RFX7: variants seen among roughly 807,000 people sequenced by gnomAD.
RFX7 encodes the protein regulatory factor X7.
A neutral mutation model predicts 111.8 loss-of-function variants in RFX7; 26 were observed. That is an observed-to-expected ratio of 0.23 (90% CI 0.17 to 0.32). The LOEUF is 0.32. Among genes scored for constraint, RFX7 ranks in the 10% least tolerant of loss-of-function variants. RFX7 has a pLI of 1.00. For missense variants in RFX7, 1,573 were observed against 1,772.9 expected (o/e 0.89, Z 2.02); for synonymous variants, 624 against 624.4 (o/e 1.00, Z 0.01).
chr15:56,149,727 A>ACCC (rs1395213789), intron 3 of RFX7, among the ~76,000 whole-genome samples: 1 of 151,248 alleles, frequency 6.6e-6, no homozygotes, highest in African/African-American at 2.4e-5. Context: ...TCTGGTGACT[A>ACCC]CCCTACCAGG....
chr15:56,182,722 A>C (rs2042988603), intron 2 of RFX7, among the ~76,000 whole-genome samples: 1 of 152,270 alleles, frequency 6.6e-6, no homozygotes, highest in African/African-American at 2.4e-5. Flanking sequence ...ATGAATAATA[A>C]AATTTATTCA....
At position 56,240,669 on chromosome 15, in the gene RFX7, T is replaced by G. The variant is rs1459960419; in HGVS notation, c.161+2456A>C. Among the ~76,000 whole-genome samples the G allele has an allele frequency of 2.6e-5, 4 of 152,296 alleles. No homozygotes were observed. The East Asian group carries it at 7.7e-4, about 29-fold the overall frequency. ...CCAAATGCAAAACCCATTTGATAAT[T>G]TTTAAATGTCACATTTCTTTTGAGT... On this transcript the variant is annotated intron_variant, in intron 2 of 9. Transcript: ENST00000559447.
intron 2 of RFX7, among the ~76,000 whole-genome samples, chr15:56,214,783 CTACT>C (rs528371247): frequency 6.6e-6 from 1 of 151,746 alleles, no homozygotes; most frequent in Non-Finnish European, 1.5e-5. Context: ...TTCCAAGAAC[CTACT>C]TGTTATTGAA....
At chr15:56,244,808 C>G (rs1389463040), upstream of RFX7, among the ~76,000 whole-genome samples, 1 of 151,046 alleles carries the variant, frequency 6.6e-6, no homozygotes, top group Non-Finnish European at 1.5e-5. Flanking sequence ...CCCCCGCAGA[C>G]TCCGCACCAT....
chr15:56,194,060 A>G (rs1393409340), intron 2 of RFX7, among the ~76,000 whole-genome samples: 5 of 152,186 alleles, frequency 3.3e-5, no homozygotes, highest in Non-Finnish European at 5.9e-5. Flanking sequence ...GTATCACAGA[A>G]AGAACATTTA....
At chr15:56,212,633 G>A (rs1174483081) in intron 2 of RFX7, among the ~76,000 whole-genome samples, 3 of 151,966 alleles carry the variant, frequency 2.0e-5, no homozygotes, top group Non-Finnish European at 4.4e-5. Flanking sequence ...TGTATCTTCT[G>A]GTTCTTCTTT....
chr15:56,106,675 A>G (rs2041834305), intron 5 of RFX7, among the ~76,000 whole-genome samples: 1 of 151,692 alleles, frequency 6.6e-6, no homozygotes, highest in Non-Finnish European at 1.5e-5. Context: ...TAGTGGTTGT[A>G]ATTTTTAAAG....
intron 5 of RFX7, among the ~76,000 whole-genome samples, chr15:56,106,558 C>T (rs1317895379): frequency 2.0e-5 from 3 of 152,122 alleles, no homozygotes; most frequent in African/African-American, 7.2e-5. Flanking sequence ...AGTTCAACTT[C>T]CTGCCAGATG....
intron 5 of RFX7, among the ~76,000 whole-genome samples, chr15:56,139,349 G>GCTTCA (rs1190001160): frequency 6.6e-6 from 1 of 151,798 alleles, no homozygotes; most frequent in African/African-American, 2.4e-5. Context: ...TTCCCTTCTC[G>GCTTCA]CTTCATTTCA....
intron 5 of RFX7, among the ~76,000 whole-genome samples, chr15:56,142,243 A>C (rs1374530570): frequency 6.6e-6 from 1 of 152,198 alleles, no homozygotes; most frequent in East Asian, 1.9e-4. Flanking sequence ...CCTGGATTTA[A>C]ATAAATTGTA....
intron 5 of RFX7, among the ~76,000 whole-genome samples, chr15:56,140,319 T>G (rs1287772095): frequency 1.3e-5 from 2 of 152,196 alleles, no homozygotes; most frequent in Non-Finnish European, 2.9e-5. Context: ...AATCTCGTGG[T>G]GCGCCGCTTT....
chr15:56,134,598 T>A (rs1421718522), intron 5 of RFX7, among the ~76,000 whole-genome samples: 1 of 21,478 alleles, frequency 4.7e-5, no homozygotes, highest in Non-Finnish European at 1.1e-4. Flanking sequence ...ATCACTTTCT[T>A]TTTTTTTTTT....
At chr15:56,096,779 A>C (rs574029280) in intron 9 of RFX7, among the ~76,000 whole-genome samples, 159 bp from the exon 10 acceptor site, 2 of 152,218 alleles carry the variant, frequency 1.3e-5, no homozygotes, top group Admixed American at 1.3e-4. Flanking sequence ...GTTCTACACA[A>C]TCAGACACAT....
Position 56,156,698 on chromosome 15 carries a change from C to T in RFX7, c.196-12215G>A, listed in dbSNP as rs185870819. On this transcript the variant is annotated intron_variant, in intron 3 of 9. Coordinates refer to ENST00000559447, the MANE Select transcript of RFX7 (RefSeq NM_022841.7). ...CCAATTTATGTTCCTAATAGCAATA[C>T]TACAGTTTATTTCTCCAGATTCTTG... 5.3e-5 allele frequency among the ~76,000 whole-genome samples: 8 copies of T among 151,046 alleles called. No homozygotes were observed. In the East Asian group the frequency reaches 1.2e-3, roughly 22 times the overall value.
intron 2 of RFX7, among the ~76,000 whole-genome samples, chr15:56,232,665 G>A (rs2043577027): frequency 6.6e-6 from 1 of 152,130 alleles, no homozygotes; most frequent in African/African-American, 2.4e-5. Context: ...AAAACTGAAT[G>A]CTTTTAACAG....
intron 5 of RFX7, among the ~76,000 whole-genome samples, chr15:56,137,607 T>C (rs953823408): frequency 2.0e-5 from 3 of 152,168 alleles, no homozygotes; most frequent in African/African-American, 7.2e-5. Context: ...TTTGTGTCTC[T>C]ATTTCCTTCA....
chr15:56,113,522 A>G (rs2140946155), intron 5 of RFX7, among the ~76,000 whole-genome samples: 1 of 152,322 alleles, frequency 6.6e-6, no homozygotes. Context: ...GGGAGGAAAG[A>G]GCATTAGGAC....
intron 2 of RFX7, among the ~76,000 whole-genome samples, chr15:56,219,788 C>T (rs1410393403): frequency 6.6e-6 from 1 of 151,996 alleles, no homozygotes; most frequent in Non-Finnish European, 1.5e-5. Context: ...AGGTTGATTC[C>T]ATGTCTTTGT....
rs1387824949 is a variant in RFX7 at position 56,132,428 on chromosome 15, C to T, written c.401+10350G>A. 2.9e-4 allele frequency among the ~76,000 whole-genome samples: 44 copies of T among 151,914 alleles called. 1 individual carries two copies. Among genetic ancestry groups the T allele is most frequent in the Non-Finnish European group, 2.7e-4 (18 of 67,912 alleles). ...AGAAGCCTTTAGTAAGGTAACAGTA[C>T]ATTATAGATTAGTGTTAAGACAGAA... On this transcript the variant is annotated intron_variant, in intron 5 of 9. Coordinates refer to ENST00000559447, the MANE Select transcript of RFX7 (RefSeq NM_022841.7).
Sources: gnomAD v4.1 joint callset for allele counts (sites outside exome capture counted in the v4.1 genomes callset) on GRCh38, gnomAD v4.1.1 for gene constraint, MANE v1.5 for transcripts, NCBI Gene and HGNC (gene_info 2026-07-23, HGNC 2026-07-21) for gene names.